Variants in SCN7A observed in about 807,000 individuals in gnomAD.
SCN7A encodes the protein sodium channel protein type 7 subunit alpha.
SCN7A carries 138 observed loss-of-function variants against 155.2 expected under a neutral mutation model. The ratio of observed to expected loss-of-function variants is 0.89; its 90% confidence interval spans 0.77 to 1.02. The LOEUF (loss-of-function observed/expected upper bound fraction) is 1.02. Ranked by LOEUF, SCN7A falls within the 50% of genes least tolerant of loss-of-function variation. The pLI is 0.00. For synonymous variants in SCN7A, 693 were observed against 649.0 expected, an observed-to-expected ratio of 1.07 and a Z score of -1.03; for missense variants, 2,058 against 1,986.6, an observed-to-expected ratio of 1.04 and a Z score of -0.68.
chr2:166,443,882 T>C (rs988711624), intron 13 of SCN7A, among the ~76,000 whole-genome samples: 4 of 152,210 alleles, frequency 2.6e-5, no homozygotes, highest in Non-Finnish European at 4.4e-5. Context: ...AAACACTATA[T>C]ACAGAATCTT....
chr2:166,414,281 TATATACACACAC>T (rs1344857774), intron 21 of SCN7A, among the ~76,000 whole-genome samples: 8 of 31,792 alleles, frequency 2.5e-4, no homozygotes, highest in Non-Finnish European at 3.5e-4. Context: ...CATATATATA[TATATACACACAC>T]ATATATATAT....
intron 11 of SCN7A, among the ~76,000 whole-genome samples, chr2:166,452,647 C>T (rs1431787811): frequency 1.3e-5 from 2 of 151,966 alleles, no homozygotes; most frequent in African/African-American, 4.8e-5. Context: ...TGATTATCTT[C>T]CTGAGATTTT....
intron 15 of SCN7A, among the ~76,000 whole-genome samples, chr2:166,440,353 T>G (rs1226586166): frequency 6.6e-6 from 1 of 152,176 alleles, no homozygotes; most frequent in African/African-American, 2.4e-5. Context: ...TCTTAAAATT[T>G]AATGGGCACA....
intron 15 of SCN7A, among the ~76,000 whole-genome samples, chr2:166,438,508 G>A (rs891628541): frequency 3.3e-5 from 5 of 152,084 alleles, no homozygotes; most frequent in Non-Finnish European, 7.4e-5. Context: ...AACTCAACAA[G>A]ACAGAACTAT....
intron 18 of SCN7A, among the ~76,000 whole-genome samples, chr2:166,425,964 A>G (rs1034300058): frequency 6.6e-6 from 1 of 152,110 alleles, no homozygotes; most frequent in Non-Finnish European, 1.5e-5. Flanking sequence ...TGGGGGTCAC[A>G]GTTAACTCCA....
intron 10 of SCN7A, among the ~76,000 whole-genome samples, chr2:166,461,121 C>A (rs968838229): frequency 1.5e-5 from 2 of 130,746 alleles, no homozygotes; most frequent in African/African-American, 2.9e-5. Flanking sequence ...ATTTGATTTC[C>A]ATTTAACAAT....
intron 11 of SCN7A, among the ~76,000 whole-genome samples, chr2:166,448,121 C>A (rs188164933): frequency 2.4e-4 from 36 of 152,176 alleles, no homozygotes; most frequent in African/African-American, 8.2e-4. Flanking sequence ...CTCATACATA[C>A]CCTTTGCAGG....
At position 166,405,980 on chromosome 2, in the gene SCN7A, A is replaced by G; in HGVS notation, c.4649T>C (p.Phe1550Ser). ...CTGGCCCTTGTTTGGTTTTGCCATGAAAAGAGGAGGATCAAGAGCAGCTGC... is the reference window on the plus strand; with the variant it reads ...CTGGCCCTTGTTTGGTTTTGCCATGGAAAGAGGAGGATCAAGAGCAGCTGC... The part of the protein sequence containing the change: ...DFAAALDPPL[F>S]MAKPNKGQLI... The change falls in exon 26 of 26, where the codon TTC becomes TCC. Residue 1550 changes from phenylalanine to serine, a missense_variant. Transcript: ENST00000643258. The G allele has an allele frequency of 6.2e-7, 1 of 1,613,022 alleles. No homozygotes were observed. Among genetic ancestry groups the G allele is most frequent in the Non-Finnish European group, 8.5e-7 (1 of 1,179,410 alleles).
At chr2:166,485,225 T>C (rs890574647) in intron 2 of SCN7A, among the ~76,000 whole-genome samples, 4 of 152,114 alleles carry the variant, frequency 2.6e-5, no homozygotes, top group African/African-American at 9.7e-5. Context: ...AAATGATTAG[T>C]TTCAAGAGGA....
At position 166,416,826 on chromosome 2, in the gene SCN7A, A is replaced by T. The variant is rs772400436; in HGVS notation, c.3295T>A (p.Ser1099Thr). The T allele has an allele frequency of 6.2e-7, 1 of 1,613,670 alleles. No homozygotes were observed. Among genetic ancestry groups the T allele is most frequent in the Non-Finnish European group, 8.5e-7 (1 of 1,179,756 alleles). The change falls in exon 21 of 26, where the codon TCT (serine) becomes ACT (threonine). Residue 1099 changes from serine to threonine, a missense_variant. Coordinates refer to ENST00000643258, the MANE Select transcript of SCN7A (RefSeq NM_002976.4). ...DPTSGERFPS[S>T]EVMNKSRCES... ...CACCGACTCTTATTCATGACTTCAGATGAAGGAAACCTTTCTCCACTTGTT... is the reference window on the plus strand; with the variant it reads ...CACCGACTCTTATTCATGACTTCAGTTGAAGGAAACCTTTCTCCACTTGTT...
rs1473260887 is a variant in SCN7A, at chr2:166,406,482, T to C, written c.4147A>G (p.Ile1383Val). Residue 1383 changes from isoleucine to valine, a missense_variant, in exon 26 of 26, where the codon ATC (isoleucine) becomes GTC (valine). Coordinates refer to ENST00000643258, the MANE Select transcript of SCN7A (RefSeq NM_002976.4). ...LMLSLPALLN[I>V]ILLIFLVMFI... ...ATGACCAGGAAGATGAGAAGAATGATGTTCAATAATGCTGGGAGGGACAGC... is the reference window on the plus strand; with the variant it reads ...ATGACCAGGAAGATGAGAAGAATGACGTTCAATAATGCTGGGAGGGACAGC... The C allele has an allele frequency of 6.2e-7, 1 of 1,612,888 alleles. No homozygotes were observed. The highest frequency in any genetic ancestry group is 8.5e-7 in the Non-Finnish European group (1 of 1,179,308).
In SCN7A at chr2:166,462,477, C is replaced by T; in HGVS notation, c.995G>A (p.Gly332Asp). 1.9e-6 allele frequency: 3 copies of T among 1,613,728 alleles called. No individual in the cohort carries two copies. Among genetic ancestry groups the T allele is most frequent in the East Asian group, 2.2e-5 (1 of 44,852 alleles). ...CVKAGINPDQ[G>D]FTNFDSFGWA... is the part of the protein sequence containing the mutation. ...GCCAAAACTGTCAAAATTTGTGAAG[C>T]CTTGATCAGGATTTATGCCAGCTTT... The change falls in exon 10 of 26, where the codon GGC becomes GAC. Residue 332 changes from glycine to aspartate, a missense_variant. Transcript: ENST00000643258.
At chr2:166,448,752 T>C (rs1422079511) in intron 11 of SCN7A, among the ~76,000 whole-genome samples, 1 of 152,238 alleles carries the variant, frequency 6.6e-6, no homozygotes, top group Non-Finnish European at 1.5e-5. Context: ...TAATTCAATA[T>C]ATAGTTTAGG....
In SCN7A at chr2:166,483,577, T is replaced by C. The variant is rs962013586; in HGVS notation, c.-15+3279A>G. Among the ~76,000 whole-genome samples, 7 of 151,886 alleles carry C rather than the reference T, an allele frequency of 4.6e-5. No homozygotes were observed. In the South Asian group the frequency reaches 1.5e-3, roughly 31 times the overall value. Reference sequence around the variant, plus strand: ...AGATAAATTCTAGATGGCTCAACTATTTAAATACAAAATAAAATTTAAATT... The same window carrying C: ...AGATAAATTCTAGATGGCTCAACTACTTAAATACAAAATAAAATTTAAATT... On this transcript the variant is annotated intron_variant, in intron 2 of 25. Coordinates refer to ENST00000643258, the MANE Select transcript of SCN7A (RefSeq NM_002976.4).
intron 1 of SCN7A, among the ~76,000 whole-genome samples, chr2:166,493,581 G>A (rs978462328): frequency 2.6e-5 from 4 of 152,178 alleles, no homozygotes; most frequent in Admixed American, 2.0e-4. Context: ...ATAAGAGATA[G>A]GATTCTTAGA....
intron 2 of SCN7A, among the ~76,000 whole-genome samples, chr2:166,478,662 C>G (rs187687612): frequency 6.6e-6 from 1 of 151,932 alleles, no homozygotes; most frequent in Non-Finnish European, 1.5e-5. Context: ...TCTCTGTCAT[C>G]AATCCTTATA....
chr2:166,437,665 G>A (rs867044009), intron 15 of SCN7A, among the ~76,000 whole-genome samples: 1 of 152,160 alleles, frequency 6.6e-6, no homozygotes, highest in Non-Finnish European at 1.5e-5. Flanking sequence ...AAAGACACAG[G>A]GATGGAGCTA....
chr2:166,462,303 A>G (rs1220083483), intron 10 of SCN7A, 86 bp downstream of exon 10: 4 of 1,372,634 alleles, frequency 2.9e-6, no homozygotes, highest in Admixed American at 5.6e-5. Context: ...TAAAAATTTA[A>G]AAAACTATAT....
At chr2:166,436,249 A>G in intron 15 of SCN7A, 1 of 214,888 alleles carries the variant, frequency 4.7e-6, no homozygotes, top group Non-Finnish European at 1.0e-5. Flanking sequence ...AATCGGTGGG[A>G]GGTAACTGAA....
Sources: allele counts gnomAD v4.1 joint callset (sites outside exome capture counted in the v4.1 genomes callset), GRCh38; gene constraint gnomAD v4.1.1; transcripts MANE v1.5; gene names NCBI Gene and HGNC (gene_info 2026-07-23, HGNC 2026-07-21).